Variants in ASTN1 observed in about 807,000 individuals in gnomAD.
The protein encoded by ASTN1 is astrotactin-1.
In ASTN1, 41 loss-of-function variants were observed where a neutral mutation model predicts 140.7. The observed-to-expected ratio is 0.29, with a 90% confidence interval of 0.23 to 0.38. The LOEUF is 0.38. Ranked by LOEUF, ASTN1 falls within the 10% of genes least tolerant of loss-of-function variation. ASTN1 has a pLI of 1.00. For missense variants in ASTN1, 1,479 were observed against 1,678.8 expected (o/e 0.88, Z 2.08); for synonymous variants, 640 against 652.2 (o/e 0.98, Z 0.29).
chr1:177,159,608 C>T (rs1482899186), intron 1 of ASTN1, among the ~76,000 whole-genome samples: 1 of 152,226 alleles, frequency 6.6e-6, no homozygotes, highest in Non-Finnish European at 1.5e-5. Context: ...AACAGCTCCA[C>T]TGAGCTCTCA....
intron 1 of ASTN1, among the ~76,000 whole-genome samples, chr1:177,141,516 G>C (rs540959493): frequency 6.6e-6 from 1 of 152,130 alleles, no homozygotes; most frequent in Non-Finnish European, 1.5e-5. Context: ...ATTCCTCTCT[G>C]TATTTTTGGT....
intron 1 of ASTN1, among the ~76,000 whole-genome samples, chr1:177,151,429 A>G (rs1180001151): frequency 2.6e-5 from 4 of 151,402 alleles, no homozygotes; most frequent in Non-Finnish European, 5.9e-5. Context: ...ACTTTCTTAA[A>G]AAAAAAAAAA....
intron 2 of ASTN1, among the ~76,000 whole-genome samples, chr1:177,047,042 A>G (rs2102005885): frequency 6.6e-6 from 1 of 152,292 alleles, no homozygotes; most frequent in African/African-American, 2.4e-5. Context: ...TTTTAGCAAA[A>G]GGCCAGGCCC....
intron 20 of ASTN1, among the ~76,000 whole-genome samples, chr1:176,878,544 T>C (rs1197798529): frequency 6.6e-6 from 1 of 152,048 alleles, no homozygotes; most frequent in Non-Finnish European, 1.5e-5. Context: ...CATATGCTGA[T>C]GTTTCATCAG....
intron 21 of ASTN1, 95 bp from the exon 22 acceptor site, chr1:176,869,122 A>G: frequency 2.3e-6 from 2 of 851,712 alleles, no homozygotes; most frequent in Non-Finnish European, 3.3e-6. Flanking sequence ...ATATAGACAT[A>G]TCACATATAA....
chr1:176,966,668 G>T (rs1254345006), intron 8 of ASTN1, among the ~76,000 whole-genome samples: 1 of 151,904 alleles, frequency 6.6e-6, no homozygotes, highest in Non-Finnish European at 1.5e-5. Flanking sequence ...AGTCTGTATT[G>T]CTCTCACGCA....
intron 1 of ASTN1, among the ~76,000 whole-genome samples, chr1:177,092,219 A>T (rs1679791522): frequency 6.6e-6 from 1 of 152,122 alleles, no homozygotes; most frequent in Non-Finnish European, 1.5e-5. Context: ...TTGGAATCTC[A>T]TTGTGGTTTT....
intron 22 of ASTN1, among the ~76,000 whole-genome samples, chr1:176,867,619 T>C (rs1668172427): frequency 1.3e-5 from 2 of 152,222 alleles, no homozygotes; most frequent in African/African-American, 4.8e-5. Context: ...CAGGAAATTA[T>C]TTATGGATTG....
At chr1:177,130,555 C>T (rs1045852890) in intron 1 of ASTN1, among the ~76,000 whole-genome samples, 2 of 152,114 alleles carry the variant, frequency 1.3e-5, no homozygotes, top group African/African-American at 2.4e-5. Flanking sequence ...TGTCACATTG[C>T]AGGTCACTGG....
At chr1:176,987,197 T>C (rs997724376) in intron 8 of ASTN1, among the ~76,000 whole-genome samples, 15 of 152,232 alleles carry the variant, frequency 9.9e-5, no homozygotes, top group African/African-American at 2.2e-4. Flanking sequence ...GGAATCATGA[T>C]ACTTTTTTGG....
In ASTN1 at chr1:176,924,184, A is replaced by C. The variant is rs530432020; in HGVS notation, c.2671+9968T>G. The stretch of plus-strand genomic sequence containing the variant: ...CTCTACATACCCCATCCAGGGATCT[A>C]GGCTTCTCTTTTTTCCACAGTCATG... On this transcript the variant is annotated intron_variant, in intron 16 of 22. Coordinates refer to ENST00000361833, the MANE Select transcript of ASTN1 (RefSeq NM_004319.3). Among the ~76,000 whole-genome samples the C allele has an allele frequency of 3.3e-5, 5 of 152,260 alleles. No homozygotes were observed. The South Asian group carries it at 1.0e-3, about 32-fold the overall frequency.
intron 21 of ASTN1, among the ~76,000 whole-genome samples, chr1:176,872,455 G>A (rs189447330): frequency 1.1e-3 from 172 of 152,180 alleles, no homozygotes; most frequent in Admixed American, 2.0e-3. Flanking sequence ...ACAAGATGAA[G>A]TTCCTCCTTT....
At chr1:177,020,442 C>T (rs1452249270) in intron 7 of ASTN1, among the ~76,000 whole-genome samples, 2 of 152,162 alleles carry the variant, frequency 1.3e-5, no homozygotes, top group African/African-American at 4.8e-5. Flanking sequence ...CTCCTTCCTC[C>T]ATATTCAAAG....
At position 177,159,368 on chromosome 1, in the gene ASTN1, A is replaced by G. The variant is rs764856980; in HGVS notation, c.283+5026T>C. Reference sequence around the variant, plus strand: ...TTGGATAGGGCTGCCAATCTATACAAATGCATTTACTATTAACCTAGGCAG... The same window carrying G: ...TTGGATAGGGCTGCCAATCTATACAGATGCATTTACTATTAACCTAGGCAG... On this transcript the variant is annotated intron_variant, in intron 1 of 22. Coordinates refer to ENST00000361833, the MANE Select transcript of ASTN1 (RefSeq NM_004319.3). Among the ~76,000 whole-genome samples the G allele has an allele frequency of 4.5e-4, 68 of 152,332 alleles. 1 individual carries two copies. Among genetic ancestry groups the G allele is most frequent in the Admixed American group, 1.3e-3 (20 of 15,306 alleles).
intron 1 of ASTN1, among the ~76,000 whole-genome samples, chr1:177,159,289 T>C (rs543142108): frequency 6.6e-6 from 1 of 152,274 alleles, no homozygotes; most frequent in African/African-American, 2.4e-5. Context: ...TAGCATGAGT[T>C]ATATAAGTGC....
chr1:177,124,226 C>T (rs1232821501), intron 1 of ASTN1, among the ~76,000 whole-genome samples: 3 of 152,162 alleles, frequency 2.0e-5, no homozygotes, highest in Non-Finnish European at 4.4e-5. Flanking sequence ...GATCCTCAGC[C>T]TGGCAGTGGA....
At chr1:177,085,651 T>A (rs555691363) in intron 1 of ASTN1, among the ~76,000 whole-genome samples, 15 of 152,136 alleles carry the variant, frequency 9.9e-5, no homozygotes, top group African/African-American at 3.6e-4. Context: ...GGTGGTAACA[T>A]GCACCTGCAC....
chr1:176,876,658 A>G, intron 20 of ASTN1, 21 bp from the exon 21 acceptor site: 1 of 1,611,238 alleles, frequency 6.2e-7, no homozygotes. Context: ...GTGGGAGGGC[A>G]TGGTTAGCAG....
chr1:176,883,129 A>G, intron 19 of ASTN1, 135 bp from the exon 20 acceptor site: 2 of 1,254,974 alleles, frequency 1.6e-6, no homozygotes, highest in Non-Finnish European at 2.2e-6. Context: ...AAGGAGACTT[A>G]GAAGGAATGG....
Sources: allele counts gnomAD v4.1 joint callset (sites outside exome capture counted in the v4.1 genomes callset), GRCh38; gene constraint gnomAD v4.1.1; transcripts MANE v1.5; gene names NCBI Gene and HGNC (gene_info 2026-07-23, HGNC 2026-07-21).